Variants in FAM13A observed in about 807,000 individuals in gnomAD.
The protein encoded by FAM13A is protein FAM13A.
A neutral mutation model predicts 129.6 loss-of-function variants in FAM13A; 76 were observed. The ratio of observed to expected loss-of-function variants is 0.59; its 90% CI spans 0.49 to 0.71. FAM13A has a LOEUF of 0.71. Among genes scored for constraint, FAM13A ranks in the 30% least tolerant of loss-of-function variants. The pLI, the probability that FAM13A is intolerant of heterozygous loss-of-function variation, is 0.00. For synonymous variants in FAM13A, 443 were observed against 449.9 expected, an observed-to-expected ratio of 0.98 and a Z score of 0.20; for missense variants, 1,108 against 1,249.3, an observed-to-expected ratio of 0.89 and a Z score of 1.70.
chr4:89,027,506 T>A (rs1207503058), intron 2 of FAM13A, among the ~76,000 whole-genome samples: 2 of 140,954 alleles, frequency 1.4e-5, no homozygotes, highest in Non-Finnish European at 3.1e-5. Context: ...CAAGACTCTG[T>A]CCCTTTAAAA....
intron 6 of FAM13A, among the ~76,000 whole-genome samples, chr4:88,854,065 G>C (rs937836270): frequency 5.9e-5 from 9 of 152,326 alleles, no homozygotes; most frequent in Admixed American, 3.9e-4. Context: ...TTAGCTTGCA[G>C]ACAGCCTATT....
intron 9 of FAM13A, among the ~76,000 whole-genome samples, chr4:88,788,676 T>TAAAGCTGTAGAATAC (rs1250327474): frequency 6.6e-6 from 1 of 152,156 alleles, no homozygotes; most frequent in East Asian, 1.9e-4. Context: ...GTAGAATCTT[T>TAAAGCTGTAGAATAC]CAAGGTGTGT....
At chr4:88,884,338 G>A (rs1392309053) in intron 6 of FAM13A, among the ~76,000 whole-genome samples, 3 of 152,080 alleles carry the variant, frequency 2.0e-5, no homozygotes, top group African/African-American at 7.2e-5. Context: ...ATGCAGAGAT[G>A]GCTTAACATA....
At chr4:88,831,094 C>A (rs1485862930) in intron 7 of FAM13A, among the ~76,000 whole-genome samples, 1 of 151,976 alleles carries the variant, frequency 6.6e-6, no homozygotes, top group African/African-American at 2.4e-5. Context: ...TGTTCCTCAA[C>A]TTTCTGGGAC....
intron 6 of FAM13A, among the ~76,000 whole-genome samples, chr4:88,867,190 T>C (rs1740600870): frequency 6.6e-6 from 1 of 152,216 alleles, no homozygotes; most frequent in African/African-American, 2.4e-5. Flanking sequence ...CCTTATTTAA[T>C]ATACTTGTTG....
At chr4:89,035,841 C>T (rs1769317710) in intron 1 of FAM13A, among the ~76,000 whole-genome samples, 1 of 152,190 alleles carries the variant, frequency 6.6e-6, no homozygotes, top group African/African-American at 2.4e-5. Context: ...TCTCCCAAGC[C>T]TTGTATCCTG....
chr4:88,745,054 G>A (rs1446544271), intron 19 of FAM13A, among the ~76,000 whole-genome samples: 1 of 152,168 alleles, frequency 6.6e-6, no homozygotes, highest in East Asian at 1.9e-4. Flanking sequence ...AGTAGAACGT[G>A]TAATTGTAAC....
chr4:88,829,363 C>T (rs757454643), intron 7 of FAM13A, among the ~76,000 whole-genome samples: 3 of 152,240 alleles, frequency 2.0e-5, no homozygotes, highest in African/African-American at 7.2e-5. Context: ...TGCTTCAGCC[C>T]AGGAAGCTGA....
At chr4:88,977,420 T>C (rs1369302549) in intron 4 of FAM13A, among the ~76,000 whole-genome samples, 1 of 152,190 alleles carries the variant, frequency 6.6e-6, no homozygotes, top group Non-Finnish European at 1.5e-5. Context: ...CTAAAAACTC[T>C]GCATCACCCT....
chr4:89,013,900 C>T (rs1766090314), intron 3 of FAM13A, among the ~76,000 whole-genome samples: 1 of 152,180 alleles, frequency 6.6e-6, no homozygotes, highest in South Asian at 2.1e-4. Flanking sequence ...CCCAGGTCTG[C>T]ATGAGTTTTC....
intron 4 of FAM13A, among the ~76,000 whole-genome samples, chr4:88,949,045 T>C (rs1009551131): frequency 6.6e-6 from 1 of 152,190 alleles, no homozygotes; most frequent in African/African-American, 2.4e-5. Flanking sequence ...CTACAATAAC[T>C]TTTTTTACAA....
intron 3 of FAM13A, among the ~76,000 whole-genome samples, chr4:88,993,654 G>A (rs1312881431): frequency 2.0e-5 from 3 of 152,148 alleles, no homozygotes; most frequent in Admixed American, 2.0e-4. Flanking sequence ...CCAAACAATG[G>A]GAAGGGAGAC....
At chr4:88,764,769 C>T (rs1172252821) in intron 13 of FAM13A, among the ~76,000 whole-genome samples, 2 of 152,142 alleles carry the variant, frequency 1.3e-5, no homozygotes, top group South Asian at 2.1e-4. Flanking sequence ...TCTGAACCTT[C>T]CTGAAGAAAT....
intron 6 of FAM13A, among the ~76,000 whole-genome samples, chr4:88,863,682 C>T (rs1296631229): frequency 6.6e-6 from 1 of 152,172 alleles, no homozygotes; most frequent in African/African-American, 2.4e-5. Flanking sequence ...AATTGTCAGA[C>T]ACCCAGTTCA....
chr4:88,954,703 G>A (rs775010523), intron 4 of FAM13A, among the ~76,000 whole-genome samples: 9 of 151,992 alleles, frequency 5.9e-5, no homozygotes, highest in South Asian at 2.1e-4. Context: ...TGGGCAACAC[G>A]GCAAAAACCT....
At chr4:88,789,594 T>C (rs1255572255) in intron 9 of FAM13A, among the ~76,000 whole-genome samples, 1 of 152,312 alleles carries the variant, frequency 6.6e-6, no homozygotes, top group Admixed American at 6.5e-5. Context: ...GCCTAATATA[T>C]GCCAGGAACT....
chr4:88,997,974 G>A (rs954853452), intron 3 of FAM13A, among the ~76,000 whole-genome samples: 3 of 152,068 alleles, frequency 2.0e-5, no homozygotes, highest in Non-Finnish European at 2.9e-5. Flanking sequence ...TTATAAACTC[G>A]ACAACACGGG....
chr4:89,004,776 G>C (rs1764768029), intron 3 of FAM13A, among the ~76,000 whole-genome samples: 1 of 151,992 alleles, frequency 6.6e-6, no homozygotes, highest in Non-Finnish European at 1.5e-5. Flanking sequence ...GGATGAGTTG[G>C]GACATAAGCA....
chr4:88,757,998 T>G (rs1744033519), intron 14 of FAM13A, among the ~76,000 whole-genome samples: 1 of 152,172 alleles, frequency 6.6e-6, no homozygotes, highest in Admixed American at 6.5e-5. Context: ...TGTATAGAGG[T>G]AGACTGGCAT....
Sources: gnomAD v4.1 joint callset for allele counts (sites outside exome capture counted in the v4.1 genomes callset) on GRCh38, gnomAD v4.1.1 for gene constraint, MANE v1.5 for transcripts, NCBI Gene and HGNC (gene_info 2026-07-23, HGNC 2026-07-21) for gene names.